Variants in TYMS observed in about 807,000 individuals in gnomAD.
The protein encoded by TYMS is thymidylate synthetase.
TYMS carries 21 observed loss-of-function variants against 39.3 expected under a neutral mutation model. The ratio of observed to expected loss-of-function variants is 0.54; its 90% CI spans 0.38 to 0.77. TYMS has a LOEUF of 0.77. Among genes scored for constraint, TYMS ranks in the 30% least tolerant of loss-of-function variants. The pLI is 0.00. For missense variants in TYMS, 273 were observed against 406.7 expected, an observed-to-expected ratio of 0.67 and a Z score of 2.83; for synonymous variants, 171 against 162.2, an observed-to-expected ratio of 1.05 and a Z score of -0.41.
Position 673,099 on chromosome 18 carries a change from C to A in TYMS, c.*102C>A. 3.9e-6 allele frequency: 5 copies of A among 1,285,180 alleles called. No homozygotes were observed. The highest frequency in any genetic ancestry group is 5.2e-6 in the Non-Finnish European group (5 of 955,092). The allele number at this position is 1,285,180 out of a possible 1,614,324, so 79.6% of individuals were successfully genotyped here. ...GCTCTAAAAGAAAAAGGAACTAGGTCAAAAATCTGTCCGTGACCTATCAGT... is the reference window on the plus strand; with the variant it reads ...GCTCTAAAAGAAAAAGGAACTAGGTAAAAAATCTGTCCGTGACCTATCAGT... On this transcript the variant is annotated 3_prime_UTR_variant, in exon 7 of 7. Coordinates refer to ENST00000323274, the MANE Select transcript of TYMS (RefSeq NM_001071.4).
At chr18:667,733 G>A (rs1333042963) in intron 3 of TYMS, 1 of 152,194 alleles carries the variant, frequency 6.6e-6, no homozygotes, top group African/African-American at 2.4e-5. Flanking sequence ...GCTGCTGCGT[G>A]GGCCAAGTTA....
At chr18:666,287 C>T (rs1442628043) in intron 3 of TYMS, among the ~76,000 whole-genome samples, 1 of 151,642 alleles carries the variant, frequency 6.6e-6, no homozygotes, top group Non-Finnish European at 1.5e-5. Flanking sequence ...GGACAAAATG[C>T]CCCCATTGCT....
Position 672,847 on chromosome 18 carries a change from A to G in TYMS, c.805-13A>G. ...ACAATTATGGCAAAATAATGGCCTT[A>G]TTTTGTTTTTAGCTTCAGCGAGAAC... On this transcript the variant is annotated splice_polypyrimidine_tract_variant and intron_variant, in intron 6 of 6. Transcript: ENST00000323274. 6.5e-7 allele frequency: 1 copy of G among 1,549,146 alleles called. No individual in the cohort carries two copies. The highest frequency in any genetic ancestry group is 8.8e-7 in the Non-Finnish European group (1 of 1,133,746).
chr18:673,227 A>T lies in TYMS; in HGVS notation c.*230A>T, dbSNP rs1598486689. The T allele has an allele frequency of 2.6e-6, 1 of 386,204 alleles. No homozygotes were observed. The highest frequency in any genetic ancestry group is 4.6e-6 in the Non-Finnish European group (1 of 216,430). The allele number at this position is 386,204 out of a possible 1,614,324, so 23.9% of individuals were successfully genotyped here. On this transcript the variant is annotated 3_prime_UTR_variant, in exon 7 of 7. Coordinates refer to ENST00000323274, the MANE Select transcript of TYMS (RefSeq NM_001071.4). ...TCACTGAGGGTATCTGACAATGCTG[A>T]GGTTATGAACAAAGTGAGGAGAATG...
chr18:667,553 A>ATGGT (rs2074878653), intron 3 of TYMS, among the ~76,000 whole-genome samples: 1 of 18,572 alleles, frequency 5.4e-5, no homozygotes, highest in Non-Finnish European at 9.0e-5. Flanking sequence ...ATGGTGATGG[A>ATGGT]GATGGTGATG....
chr18:667,591 ATGGT>A (rs2074881262), intron 3 of TYMS: 1 of 101,282 alleles, frequency 9.9e-6, no homozygotes, highest in Non-Finnish European at 1.9e-5. Flanking sequence ...GGTGATGGTG[ATGGT>A]GATGGTGATG....
chr18:665,407 TTTTC>T (rs925381814), intron 3 of TYMS, among the ~76,000 whole-genome samples: 20 of 151,390 alleles, frequency 1.3e-4, no homozygotes, highest in South Asian at 1.3e-3. Context: ...ATTCTTCTCT[TTTTC>T]TTTATTAGTC....
intron 3 of TYMS, among the ~76,000 whole-genome samples, chr18:667,370 TGATGGTGATGGTGATGGTGATGGA>T (rs2074866461): frequency 6.8e-5 from 1 of 14,716 alleles, no homozygotes; most frequent in Admixed American, 7.4e-4. Context: ...ATGGAGATGG[TGATGGTGATGGTGATGGTGATGGA>T]GATGGTGATG....
rs368046316 is a variant in TYMS at position 662,111 on chromosome 18, C to G, written c.280-35C>G. ...TCAACTGAGATGGCTTAGGATTTAC[C>G]TGGATGCCTGCTCTGCTCTCCCCAT... is the stretch of plus-strand genomic sequence containing the variant. On this transcript the variant is annotated intron_variant, in intron 2 of 6. Coordinates refer to ENST00000323274, the MANE Select transcript of TYMS (RefSeq NM_001071.4). The G allele has an allele frequency of 3.2e-6, 5 of 1,567,456 alleles. No individual in the cohort carries two copies. In the African/African-American group the frequency reaches 6.8e-5, roughly 21 times the overall value.
At chr18:659,788 C>CA in intron 2 of TYMS, 74 bp downstream of exon 2, 3 of 1,346,848 alleles carry the variant, frequency 2.2e-6, no homozygotes, top group Non-Finnish European at 2.1e-6. Flanking sequence ...TTTCAAAACT[C>CA]AAAGCAGCCA....
In TYMS at chr18:660,522, C is replaced by G. The variant is rs116642753; in HGVS notation, c.279+808C>G. 4.2e-3 allele frequency among the ~76,000 whole-genome samples: 647 copies of G among 152,286 alleles called. 6 individuals carry two copies. Among genetic ancestry groups the G allele is most frequent in the African/African-American group, 0.015 (608 of 41,556 alleles). On this transcript the variant is annotated intron_variant, in intron 2 of 6. Coordinates refer to ENST00000323274, the MANE Select transcript of TYMS (RefSeq NM_001071.4). This position sits in a 1 kb window ranked among gnomAD's most constrained non-coding sequence, Gnocchi z 4.6. ...TTTCTCGTGTTCACTGTTGTATCGCCAGGGCCTCAAACACAGCCTGCCACA... is the reference window on the plus strand; with the variant it reads ...TTTCTCGTGTTCACTGTTGTATCGCGAGGGCCTCAAACACAGCCTGCCACA...
chr18:657,782 C>A lies in TYMS; in HGVS notation c.40C>A (p.Pro14Thr). The A allele has an allele frequency of 6.9e-7, 1 of 1,448,860 alleles. No homozygotes were observed. The highest frequency in any genetic ancestry group is 1.4e-5 in the South Asian group (1 of 70,174). The allele number at this position is 1,448,860 out of a possible 1,614,324, so 89.8% of individuals were successfully genotyped here. Residue 14 changes from proline to threonine, a missense_variant, in exon 1 of 7, where the codon CCC becomes ACC. Pro to Thr is a conservative substitution (Grantham distance 38). Coordinates refer to ENST00000323274, the MANE Select transcript of TYMS (RefSeq NM_001071.4). ...AGSELPRRPL[P>T]PAAQERDAEP... ...CTCGGAGCTGCCGCGCCGGCCCTTG[C>A]CCCCCGCCGCACAGGAGCGGGACGC... is the stretch of plus-strand genomic sequence containing the variant.
At position 671,455 on chromosome 18, in the gene TYMS, A is replaced by AC; in HGVS notation, c.804+4_804+5insC. On this transcript the variant is annotated splice_donor_region_variant and intron_variant, in intron 6 of 6. Coordinates refer to ENST00000323274, the MANE Select transcript of TYMS (RefSeq NM_001071.4). ...CATCGAGCCACTGAAAATTCAGGTA[A>AC]GAATTAGATGTTATACTTTTGGGTT... 6.3e-7 allele frequency: 1 copy of AC among 1,599,426 alleles called. No individual in the cohort carries two copies. Among genetic ancestry groups the AC allele is most frequent in the African/African-American group, 1.3e-5 (1 of 74,694 alleles).
At chr18:669,861 C>T (rs2074952714) in intron 4 of TYMS, among the ~76,000 whole-genome samples, 1 of 151,718 alleles carries the variant, frequency 6.6e-6, no homozygotes, top group Admixed American at 6.6e-5. Context: ...ACTCCAGAGG[C>T]CAAGGCGAGA....
At chr18:672,811 C>T in intron 6 of TYMS, 49 bp from the exon 7 acceptor site, 2 of 1,528,950 alleles carry the variant, frequency 1.3e-6, no homozygotes, top group East Asian at 4.6e-5. Context: ...GGAGCAATTA[C>T]AACAGGTCGT....
intron 3 of TYMS, among the ~76,000 whole-genome samples, chr18:666,144 G>A (rs1229784610): frequency 9.9e-6 from 1 of 100,722 alleles, no homozygotes; most frequent in African/African-American, 6.3e-5. Context: ...TAATGTGTGG[G>A]AGTCTAAGTC....
At chr18:657,997 G>T (rs750633928) in intron 1 of TYMS, 50 bp downstream of exon 1, 38 of 1,518,572 alleles carry the variant, frequency 2.5e-5, no homozygotes, top group Middle Eastern at 1.7e-4. Context: ...AGGGAGGCGC[G>T]GCTGGGGAGA....
At position 671,655 on chromosome 18, in the gene TYMS, G is replaced by A. The variant is rs1567996093; in HGVS notation, c.804+204G>A. 6 of 592,602 alleles carry A rather than the reference G, an allele frequency of 1.0e-5. No individual in the cohort carries two copies. The East Asian group carries it at 1.2e-4, about 12-fold the overall frequency. 36.7% of individuals were successfully genotyped at this position (592,602 alleles called of 1,614,324 possible). A position where few individuals can be genotyped will look rare whatever the true frequency, so the allele number is the denominator to read the frequency against. Reference sequence around the variant, plus strand: ...CAACCATGGGCACTTAACATGTCAGGTGCTGTGAGGTACTAAGCACCAGTA... The same window carrying A: ...CAACCATGGGCACTTAACATGTCAGATGCTGTGAGGTACTAAGCACCAGTA... On this transcript the variant is annotated intron_variant, in intron 6 of 6. Coordinates refer to ENST00000323274, the MANE Select transcript of TYMS (RefSeq NM_001071.4).
rs207949 is a variant in TYMS, at chr18:667,185, T to A, written c.455-1887T>A. 2.3e-3 allele frequency among the ~76,000 whole-genome samples: 143 copies of A among 62,550 alleles called. 2 individuals carry two copies. Among genetic ancestry groups the A allele is most frequent in the Non-Finnish European group, 2.9e-3 (103 of 34,956 alleles). The allele number at this position is 62,550 out of a possible 152,430, so 41.0% of individuals were successfully genotyped here. A position where few individuals can be genotyped will look rare whatever the true frequency, so the allele number is the denominator to read the frequency against. The stretch of plus-strand genomic sequence containing the variant: ...GAGATGGTGATGGTGATGGTGATGG[T>A]GATGGAGATGGTGATGGTGATGGTG... On this transcript the variant is annotated intron_variant, in intron 3 of 6. Coordinates refer to ENST00000323274, the MANE Select transcript of TYMS (RefSeq NM_001071.4).
Sources: allele counts gnomAD v4.1 joint callset (sites outside exome capture counted in the v4.1 genomes callset), GRCh38; gene constraint gnomAD v4.1.1; non-coding constraint Gnocchi (gnomAD v3.1); transcripts MANE v1.5; gene names NCBI Gene and HGNC (gene_info 2026-07-23, HGNC 2026-07-21).